Variants in MYO5A observed in about 807,000 individuals in gnomAD.
MYO5A encodes unconventional myosin-Va.
Under a neutral mutation model 249.7 loss-of-function variants are expected in MYO5A, and 98 were observed. That is an observed-to-expected ratio of 0.39 (90% CI 0.33 to 0.46). The LOEUF (loss-of-function observed/expected upper bound fraction) is 0.46. Among genes scored for constraint, MYO5A ranks in the 20% least tolerant of loss-of-function variants. MYO5A has a pLI of 0.98. For missense variants in MYO5A, 1,696 were observed against 2,308.8 expected (o/e 0.73, Z 5.44); for synonymous variants, 778 against 810.6 (o/e 0.96, Z 0.68).
intron 6 of MYO5A, among the ~76,000 whole-genome samples, chr15:52,409,884 T>C (rs984511928): frequency 6.6e-6 from 1 of 151,636 alleles, no homozygotes; most frequent in African/African-American, 2.4e-5. Flanking sequence ...GTTGTGAAGA[T>C]TTTTTTTTAA....
At chr15:52,473,078 C>T (rs572564485) in intron 1 of MYO5A, among the ~76,000 whole-genome samples, 109 of 152,244 alleles carry the variant, frequency 7.2e-4, no homozygotes, top group African/African-American at 1.3e-3. Flanking sequence ...TTTTAATGAT[C>T]GCCATTCTAA....
intron 1 of MYO5A, among the ~76,000 whole-genome samples, chr15:52,482,788 T>G (rs574160282): frequency 2.6e-5 from 4 of 152,288 alleles, no homozygotes; most frequent in African/African-American, 9.6e-5. Context: ...GCAAGGAGCC[T>G]GAGGCCCAGA....
chr15:52,314,958 G>A (rs997805699), intron 40 of MYO5A, among the ~76,000 whole-genome samples: 1 of 152,138 alleles, frequency 6.6e-6, no homozygotes, highest in African/African-American at 2.4e-5. Context: ...GTTGAATGCA[G>A]GACAGTGCTG....
intron 3 of MYO5A, among the ~76,000 whole-genome samples, chr15:52,427,783 G>C (rs1457450578): frequency 2.0e-5 from 3 of 151,860 alleles, no homozygotes; most frequent in East Asian, 3.9e-4. Context: ...CCAGAGAAAA[G>C]GGAGAAAATA....
At chr15:52,379,182 C>G (rs1296507961) in intron 18 of MYO5A, among the ~76,000 whole-genome samples, 1 of 152,148 alleles carries the variant, frequency 6.6e-6, no homozygotes, top group Non-Finnish European at 1.5e-5. Flanking sequence ...CTGGACGTCG[C>G]TTTGTCATCC....
chr15:52,438,957 C>G (rs2075727222), intron 1 of MYO5A, among the ~76,000 whole-genome samples: 1 of 152,240 alleles, frequency 6.6e-6, no homozygotes, highest in African/African-American at 2.4e-5. Flanking sequence ...CAGCTAGGCG[C>G]CCACTGCTGC....
chr15:52,410,743 A>G (rs920733497), intron 5 of MYO5A, among the ~76,000 whole-genome samples: 6 of 152,134 alleles, frequency 3.9e-5, no homozygotes, highest in African/African-American at 1.4e-4. Context: ...ACGCCCAGCT[A>G]ATTTTTGTAT....
intron 1 of MYO5A, among the ~76,000 whole-genome samples, chr15:52,497,039 G>T (rs1228410048): frequency 6.6e-6 from 1 of 152,142 alleles, no homozygotes; most frequent in Non-Finnish European, 1.5e-5. Flanking sequence ...ACGACTCACT[G>T]CAACTTCCAC....
chr15:52,397,655 T>G (rs2042549222), intron 9 of MYO5A, among the ~76,000 whole-genome samples, 189 bp from the exon 10 acceptor site: 1 of 152,256 alleles, frequency 6.6e-6, no homozygotes, highest in African/African-American at 2.4e-5. Context: ...GGCAGCATTT[T>G]GCAATCTCTT....
chr15:52,528,672 CTGG>C (rs1366166802), intron 1 of MYO5A, 105 bp downstream of exon 1: 1 of 1,294,540 alleles, frequency 7.7e-7, no homozygotes, highest in African/African-American at 1.6e-5. Flanking sequence ...GGGGATGGCG[CTGG>C]TGGGGCTCGC....
At chr15:52,373,718 T>A (rs1295638036) in intron 20 of MYO5A, among the ~76,000 whole-genome samples, 1 of 152,170 alleles carries the variant, frequency 6.6e-6, no homozygotes. Flanking sequence ...GCTCAGATGT[T>A]CCTAAGGAAA....
At chr15:52,489,036 C>T (rs4774624) in intron 1 of MYO5A, among the ~76,000 whole-genome samples, 22,851 of 152,064 alleles carry the variant, frequency 0.15, 1,828 homozygotes, top group Middle Eastern at 0.22. Flanking sequence ...TGTACATGCA[C>T]CATTAGACCA....
intron 22 of MYO5A, among the ~76,000 whole-genome samples, chr15:52,369,345 G>A (rs967772917): frequency 6.6e-6 from 1 of 152,178 alleles, no homozygotes; most frequent in Non-Finnish European, 1.5e-5. Flanking sequence ...TAATACCAGC[G>A]GAATCTCTGA....
chr15:52,521,142 C>A (rs1287041073), intron 1 of MYO5A, among the ~76,000 whole-genome samples: 1 of 150,678 alleles, frequency 6.6e-6, no homozygotes, highest in Non-Finnish European at 1.5e-5. Context: ...GCAGAAGAAT[C>A]GATTGAACAC....
In MYO5A at chr15:52,389,315, G is replaced by A; in HGVS notation, c.1591C>T (p.His531Tyr). The A allele has an allele frequency of 1.2e-6, 2 of 1,612,860 alleles. No individual in the cohort carries two copies. Among genetic ancestry groups the A allele is most frequent in the South Asian group, 1.1e-5 (1 of 91,036 alleles). ...DTWAQKLYNTHLNKCALFEKP... is the reference protein window; with the variant it reads ...DTWAQKLYNTYLNKCALFEKP... ...TCAAAGAGTGCACATTTGTTCAAAT[G>A]TGTGTTGTACAATTTTTGGGCCCAG... The change falls in exon 13 of 42, where the codon CAT becomes TAT. Residue 531 changes from histidine (H) to tyrosine (Y), a missense_variant. Transcript: ENST00000399233.
rs1032861712 is a variant in MYO5A at position 52,319,078 on chromosome 15, C to T, written c.5216G>A (p.Ser1739Asn). The change falls in exon 39 of 42, where the codon AGT (serine) becomes AAT (asparagine). Residue 1739 changes from serine to asparagine, a missense_variant. Physicochemically the swap from Ser to Asn is conservative, Grantham distance 46 (BLOSUM62 1). Transcript: ENST00000399233. ...TGCTCACCTGATCTGCATGCCTTTA[C>T]TCCAGGAGCACATGTCCTTCCGCAG... The part of the protein sequence containing the change: ...LLLRKDMCSW[S>N]KGMQIRYNVS... 3 of 1,614,206 alleles carry T rather than the reference C, an allele frequency of 1.9e-6. No homozygotes were observed. Among genetic ancestry groups the T allele is most frequent in the Non-Finnish European group, 1.7e-6 (2 of 1,180,038 alleles).
At chr15:52,459,524 T>C (rs1053491226) in intron 1 of MYO5A, among the ~76,000 whole-genome samples, 1 of 152,198 alleles carries the variant, frequency 6.6e-6, no homozygotes, top group Non-Finnish European at 1.5e-5. Context: ...GGCAGAAGAA[T>C]TTTTCCTAGT....
chr15:52,407,905 CT>C (rs1047562027), intron 7 of MYO5A, among the ~76,000 whole-genome samples, 153 bp downstream of exon 7: 1 of 152,162 alleles, frequency 6.6e-6, no homozygotes, highest in African/African-American at 2.4e-5. Context: ...TCCTCTACCC[CT>C]ATGGGTTATT....
chr15:52,345,387 C>A (rs1466847684), intron 30 of MYO5A, among the ~76,000 whole-genome samples: 1 of 151,742 alleles, frequency 6.6e-6, no homozygotes, highest in Non-Finnish European at 1.5e-5. Context: ...CTCGGGACGA[C>A]CCTGGCCAAC....
Sources: allele counts gnomAD v4.1 joint callset (sites outside exome capture counted in the v4.1 genomes callset), GRCh38; gene constraint gnomAD v4.1.1; transcripts MANE v1.5; gene names NCBI Gene and HGNC (gene_info 2026-07-23, HGNC 2026-07-21).